The following CPNE1 variants were observed in gnomAD, a reference collection of about 807,000 sequenced individuals.
CPNE1 encodes copine 1.
A neutral mutation model predicts 63.2 loss-of-function variants in CPNE1; 58 were observed. The observed-to-expected ratio is 0.92, with a 90% CI of 0.74 to 1.14. The LOEUF (loss-of-function observed/expected upper bound fraction) is 1.14. Among genes scored for constraint, CPNE1 ranks in the 50% most tolerant of loss-of-function variants. CPNE1 has a pLI of 0.00. For missense variants in CPNE1, 672 were observed against 661.7 expected, an observed-to-expected ratio of 1.02 and a Z score of -0.17; for synonymous variants, 237 against 249.0, an observed-to-expected ratio of 0.95 and a Z score of 0.45.
In CPNE1 at chr20:35,626,099, A is replaced by G. The variant is rs1452509993; in HGVS notation, c.*142T>C. The G allele has an allele frequency of 1.1e-6, 1 of 890,302 alleles. No homozygotes were observed. The highest frequency in any genetic ancestry group is 1.8e-6 in the Non-Finnish European group (1 of 543,792). 55.2% of individuals were successfully genotyped at this position (890,302 alleles called of 1,614,324 possible). On this transcript the variant is annotated 3_prime_UTR_variant, in exon 16 of 16. Transcript: ENST00000397443. ...GTTGTCAGGAGCAAAGGTGGGATCA[A>G]GAGCAGCAAAAGCAGAAACAAGTAT...
At chr20:35,656,690 A>G (rs960970204) in intron 1 of CPNE1, among the ~76,000 whole-genome samples, 107 of 152,226 alleles carry the variant, frequency 7.0e-4, no homozygotes, top group African/African-American at 2.4e-3. Context: ...ATGCGCCACC[A>G]TGCCTGGCTA....
chr20:35,664,191 G>C (rs1042639130), intron 1 of CPNE1, among the ~76,000 whole-genome samples: 1 of 152,140 alleles, frequency 6.6e-6, no homozygotes, highest in Non-Finnish European at 1.5e-5. Flanking sequence ...CCACCTTCAG[G>C]CCACGAAGGC....
At chr20:35,659,433 C>A (rs2034108408) in intron 1 of CPNE1, among the ~76,000 whole-genome samples, 1 of 152,152 alleles carries the variant, frequency 6.6e-6, no homozygotes, top group East Asian at 1.9e-4. Context: ...AATAACAATT[C>A]TTGGACAACT....
chr20:35,630,419 G>C lies in CPNE1; in HGVS notation c.1102+20C>G, dbSNP rs369359334. Reference sequence around the variant, plus strand: ...TCTTTGTGTGGACAGACCTGCCTCAGGGTGGATGGGGAAACTTACCTGCAC... The same window carrying C: ...TCTTTGTGTGGACAGACCTGCCTCACGGTGGATGGGGAAACTTACCTGCAC... On this transcript the variant is annotated intron_variant, in intron 13 of 15. Transcript: ENST00000397443. 1.3e-4 allele frequency: 213 copies of C among 1,612,100 alleles called. No homozygotes were observed. The African/African-American group carries it at 2.3e-3, about 18-fold the overall frequency.
intron 1 of CPNE1, among the ~76,000 whole-genome samples, chr20:35,659,486 A>T (rs1001142723): frequency 2.0e-5 from 3 of 152,230 alleles, no homozygotes; most frequent in African/African-American, 7.2e-5. Flanking sequence ...TACTGCAATT[A>T]TTCTTTCAAT....
chr20:35,633,357 A>G (rs542059692), intron 1 of CPNE1, among the ~76,000 whole-genome samples: 4 of 152,222 alleles, frequency 2.6e-5, no homozygotes, highest in Non-Finnish European at 4.4e-5. Context: ...AAATATAACT[A>G]TGATCCAGAT....
intron 1 of CPNE1, among the ~76,000 whole-genome samples, chr20:35,642,461 T>A (rs1419207376): frequency 6.6e-6 from 1 of 152,168 alleles, no homozygotes; most frequent in Non-Finnish European, 1.5e-5. Context: ...AGATGCAGGA[T>A]CAAGTCTTGA....
In CPNE1 at chr20:35,626,571, TGGAA is replaced by T; in HGVS notation, c.1465_1468del (p.Phe489ArgfsTer85). The T allele has an allele frequency of 1.9e-6, 3 of 1,613,906 alleles. No homozygotes were observed. The highest frequency in any genetic ancestry group is 2.5e-6 in the Non-Finnish European group (3 of 1,179,750). On this transcript the variant is annotated frameshift_variant, in exon 15 of 16. Transcript: ENST00000397443. LOFTEE classifies it high-confidence loss of function. ...ATCAAATTTGCACCTACTCACATTC[TGGAA>T]CCGGCGGTAGGGTACAAACTGCACA... is the stretch of plus-strand genomic sequence containing the variant.
chr20:35,626,143 A>G lies in CPNE1; in HGVS notation c.*98T>C. The G allele has an allele frequency of 4.0e-6, 5 of 1,253,316 alleles. No homozygotes were observed. The highest frequency in any genetic ancestry group is 5.8e-6 in the Non-Finnish European group (5 of 864,852). The allele number at this position is 1,253,316 out of a possible 1,614,324, so 77.6% of individuals were successfully genotyped here. ...CAAGTATAAAAGTATCAAAAAATACAAAGTGCTAGCACTGAGGAGAGTGAG... is the reference window on the plus strand; with the variant it reads ...CAAGTATAAAAGTATCAAAAAATACGAAGTGCTAGCACTGAGGAGAGTGAG... On this transcript the variant is annotated 3_prime_UTR_variant, in exon 16 of 16. Coordinates refer to ENST00000397443, the MANE Select transcript of CPNE1 (RefSeq NM_152925.3).
chr20:35,659,848 CTTTTTA>C (rs1398038068), intron 1 of CPNE1, among the ~76,000 whole-genome samples: 1 of 151,912 alleles, frequency 6.6e-6, no homozygotes, highest in Non-Finnish European at 1.5e-5. Context: ...TCATTTTTTG[CTTTTTA>C]TTTTTTTTCA....
At chr20:35,652,294 C>T in intron 1 of CPNE1, 1 of 463,018 alleles carries the variant, frequency 2.2e-6, no homozygotes, top group Non-Finnish European at 3.8e-6. Flanking sequence ...AATGGTATGC[C>T]AAAATCATTT....
At chr20:35,663,908 C>A (rs1427692507) in intron 1 of CPNE1, among the ~76,000 whole-genome samples, 2 of 152,210 alleles carry the variant, frequency 1.3e-5, no homozygotes, top group South Asian at 2.1e-4. Context: ...CCATCAAAAG[C>A]ACCCACCCTC....
chr20:35,626,886 A>G (rs150879357), intron 14 of CPNE1, 83 bp from the exon 15 acceptor site: 118 of 1,128,208 alleles, frequency 1.0e-4, no homozygotes, highest in East Asian at 9.9e-4. Context: ...CCCCACACTC[A>G]TAAGAAGTCC....
At chr20:35,649,781 A>G (rs1458563520) in intron 1 of CPNE1, 1 of 152,374 alleles carries the variant, frequency 6.6e-6, no homozygotes. Context: ...CAGAAGGGAG[A>G]GGAAAAAAAA....
At chr20:35,629,988 C>T (rs924937641) in intron 13 of CPNE1, among the ~76,000 whole-genome samples, 1 of 152,172 alleles carries the variant, frequency 6.6e-6, no homozygotes, top group African/African-American at 2.4e-5. Context: ...TTCCAGAGGC[C>T]TAGCTCTAAA....
intron 1 of CPNE1, chr20:35,653,734 T>G: frequency 6.2e-7 from 1 of 1,614,206 alleles, no homozygotes; most frequent in Non-Finnish European, 8.5e-7. Flanking sequence ...TAGTATCATT[T>G]CCCTCTGGTC....
chr20:35,664,098 C>T (rs1055475426), intron 1 of CPNE1, among the ~76,000 whole-genome samples: 5 of 151,958 alleles, frequency 3.3e-5, no homozygotes, highest in African/African-American at 9.7e-5. Context: ...TAGCTTCAGA[C>T]GCCGGCTTCT....
At chr20:35,630,576 T>C (rs1601419807) in intron 12 of CPNE1, 86 bp from the exon 13 acceptor site, 2 of 1,518,032 alleles carry the variant, frequency 1.3e-6, no homozygotes, top group Admixed American at 1.7e-5. Context: ...AAGATTCCTA[T>C]AGGAGCTATG....
At chr20:35,651,540 A>G (rs1055757263) in intron 1 of CPNE1, 4 of 152,232 alleles carry the variant, frequency 2.6e-5, no homozygotes, top group Non-Finnish European at 5.9e-5. Context: ...AAACCTAGAT[A>G]TAACACTTTC....
Sources: gnomAD v4.1 joint callset for allele counts (sites outside exome capture counted in the v4.1 genomes callset) on GRCh38, gnomAD v4.1.1 for gene constraint, MANE v1.5 for transcripts, NCBI Gene and HGNC (gene_info 2026-07-23, HGNC 2026-07-21) for gene names.